The following FUT9 variants were observed in gnomAD, a reference collection of about 807,000 sequenced individuals.
FUT9 encodes 4-galactosyl-N-acetylglucosaminide 3-alpha-L-fucosyltransferase 9.
Under a neutral mutation model 29.7 loss-of-function variants are expected in FUT9, and 15 were observed. The ratio of observed to expected loss-of-function variants is 0.51; its 90% CI spans 0.34 to 0.78. The LOEUF (loss-of-function observed/expected upper bound fraction) is 0.78, where lower values mean the gene tolerates loss of function less well. Among genes scored for constraint, FUT9 ranks in the 30% least tolerant of loss-of-function variants. The probability of loss-of-function intolerance (pLI) is 0.01; values close to 1 mark genes in which losing one functional copy is unlikely to be tolerated. For missense variants in FUT9, 319 were observed against 425.4 expected (o/e 0.75, Z 2.20); for synonymous variants, 169 against 153.7 (o/e 1.10, Z -0.74).
chr6:96,057,343 A>C (rs10499003), intron 1 of FUT9, among the ~76,000 whole-genome samples: 17,641 of 152,224 alleles, frequency 0.12, 1,314 homozygotes, highest in Non-Finnish European at 0.17. Flanking sequence ...TTTATATCTA[A>C]CATTAGGAAG....
intron 1 of FUT9, among the ~76,000 whole-genome samples, chr6:96,016,460 C>G (rs1469699107): frequency 2.0e-5 from 3 of 152,136 alleles, no homozygotes; most frequent in Admixed American, 6.5e-5. Context: ...CACCTTCCAG[C>G]CCCCAGGCTC....
At chr6:96,066,165 G>A (rs1770958448) in intron 1 of FUT9, among the ~76,000 whole-genome samples, 1 of 151,928 alleles carries the variant, frequency 6.6e-6, no homozygotes, top group African/African-American at 2.4e-5. Flanking sequence ...TTATAGTAAG[G>A]AAATAGTTAA....
chr6:96,093,346 C>T (rs953541920), intron 1 of FUT9, among the ~76,000 whole-genome samples: 1 of 152,056 alleles, frequency 6.6e-6, no homozygotes, highest in Non-Finnish European at 1.5e-5. Flanking sequence ...ATAGCTTTCT[C>T]TTGATAATTC....
chr6:96,100,228 CCA>C (rs1457378225), intron 1 of FUT9, among the ~76,000 whole-genome samples: 25 of 103,966 alleles, frequency 2.4e-4, no homozygotes, highest in Admixed American at 7.2e-4. Context: ...CACACACACA[CCA>C]ACACACACAC....
In FUT9 at chr6:96,203,899, C is replaced by T; in HGVS notation, c.744C>T (p.Ile248=). 1 of 1,611,986 alleles carries T rather than the reference C, an allele frequency of 6.2e-7. No homozygotes were observed. The highest frequency in any genetic ancestry group is 1.7e-4 in the Middle Eastern group (1 of 6,054). ...TTTATCTTTCCTTTGAAAATTCAATCCACAAGGATTACATCACGGAAAAGC... is the reference window on the plus strand; with the variant it reads ...TTTATCTTTCCTTTGAAAATTCAATTCACAAGGATTACATCACGGAAAAGC... The part of the protein sequence containing the change: ...CKFYLSFENS[I]HKDYITEKLY... Residue 248 remains isoleucine, a synonymous_variant, in exon 3 of 3, where the codon ATC becomes ATT. Coordinates refer to ENST00000302103, the MANE Select transcript of FUT9 (RefSeq NM_006581.4).
At chr6:96,054,677 C>A (rs1163951555) in intron 1 of FUT9, among the ~76,000 whole-genome samples, 3 of 152,082 alleles carry the variant, frequency 2.0e-5, no homozygotes, top group Non-Finnish European at 4.4e-5. Context: ...GAAGTTTAGG[C>A]AGAAATATTG....
At chr6:96,086,978 A>G (rs764932133) in intron 1 of FUT9, among the ~76,000 whole-genome samples, 1 of 152,176 alleles carries the variant, frequency 6.6e-6, no homozygotes, top group Non-Finnish European at 1.5e-5. Context: ...TGCCTCCTAT[A>G]TAGTCAGTGG....
chr6:96,032,055 G>A (rs1770271597), intron 1 of FUT9, among the ~76,000 whole-genome samples: 2 of 151,510 alleles, frequency 1.3e-5, no homozygotes, highest in Admixed American at 6.6e-5. Flanking sequence ...CAGAACTGAT[G>A]TACCTATGTT....
chr6:96,181,454 T>C (rs1245018958), intron 2 of FUT9, among the ~76,000 whole-genome samples: 4 of 151,902 alleles, frequency 2.6e-5, no homozygotes, highest in African/African-American at 9.7e-5. Context: ...AATTTTTTTT[T>C]CATAGGTTAT....
At chr6:96,079,206 A>C (rs1171256852) in intron 1 of FUT9, among the ~76,000 whole-genome samples, 5 of 152,168 alleles carry the variant, frequency 3.3e-5, no homozygotes, top group Admixed American at 1.3e-4. Context: ...CACCAGATTT[A>C]TATGCATTCC....
intron 2 of FUT9, among the ~76,000 whole-genome samples, chr6:96,143,316 T>C (rs1010800683): frequency 2.6e-5 from 4 of 152,194 alleles, no homozygotes; most frequent in African/African-American, 9.6e-5. Context: ...TCCAAAATAA[T>C]GAGACATAAA....
chr6:96,189,406 A>T (rs1396677084), intron 2 of FUT9, among the ~76,000 whole-genome samples: 1 of 152,020 alleles, frequency 6.6e-6, no homozygotes, highest in Non-Finnish European at 1.5e-5. Context: ...ATTCATCAAC[A>T]GCCCTAAAAC....
At chr6:96,038,350 C>T (rs1042786936) in intron 1 of FUT9, among the ~76,000 whole-genome samples, 1 of 152,124 alleles carries the variant, frequency 6.6e-6, no homozygotes, top group African/African-American at 2.4e-5. Flanking sequence ...CTGAGGCCAT[C>T]TCAGGCTTCT....
intron 2 of FUT9, among the ~76,000 whole-genome samples, chr6:96,191,526 A>G (rs1311643311): frequency 6.6e-6 from 1 of 152,156 alleles, no homozygotes; most frequent in Non-Finnish European, 1.5e-5. Context: ...CCAAGAGTAA[A>G]CCAGGAAGAA....
chr6:96,102,987 A>T (rs1440346833), intron 1 of FUT9, among the ~76,000 whole-genome samples: 1 of 152,166 alleles, frequency 6.6e-6, no homozygotes, highest in African/African-American at 2.4e-5. Flanking sequence ...AGACTGTACA[A>T]AGCCAAGAGA....
At chr6:96,124,836 A>G (rs1283396645) in intron 2 of FUT9, among the ~76,000 whole-genome samples, 1 of 152,174 alleles carries the variant, frequency 6.6e-6, no homozygotes, top group Non-Finnish European at 1.5e-5. Flanking sequence ...AAAAAGATGT[A>G]TAATTTTTTA....
At chr6:96,163,870 T>TATTTAA (rs1165757329) in intron 2 of FUT9, among the ~76,000 whole-genome samples, 2 of 152,198 alleles carry the variant, frequency 1.3e-5, no homozygotes, top group African/African-American at 4.8e-5. Flanking sequence ...CATATGTGGC[T>TATTTAA]ATTTAAATTT....
chr6:96,157,923 A>G (rs368157347), intron 2 of FUT9, among the ~76,000 whole-genome samples: 12 of 152,160 alleles, frequency 7.9e-5, no homozygotes, highest in South Asian at 2.1e-4. Context: ...ATTTGTAAAA[A>G]TGTGATTTCT....
chr6:96,096,935 G>T (rs1231701470), intron 1 of FUT9, among the ~76,000 whole-genome samples: 1 of 151,956 alleles, frequency 6.6e-6, no homozygotes, highest in Non-Finnish European at 1.5e-5. Context: ...TCTGTTCACT[G>T]AATATCTCTG....
Sources: gnomAD v4.1 joint callset for allele counts (sites outside exome capture counted in the v4.1 genomes callset) on GRCh38, gnomAD v4.1.1 for gene constraint, MANE v1.5 for transcripts, NCBI Gene and HGNC (gene_info 2026-07-23, HGNC 2026-07-21) for gene names.